Variants in PPP2CB observed in about 807,000 individuals in gnomAD.
The protein encoded by PPP2CB is protein phosphatase 2 catalytic subunit beta.
In PPP2CB, 18 loss-of-function variants were observed where a neutral mutation model predicts 39.1. That is an observed-to-expected ratio of 0.46 (90% confidence interval 0.32 to 0.68). PPP2CB has a LOEUF of 0.68. Among genes scored for constraint, PPP2CB ranks in the 30% least tolerant of loss-of-function variants. The probability of loss-of-function intolerance (pLI) is 0.04; values close to 1 mark genes in which losing one functional copy is unlikely to be tolerated. For synonymous variants in PPP2CB, 129 were observed against 133.8 expected (o/e 0.96, Z 0.25); for missense variants, 226 against 396.9 (o/e 0.57, Z 3.66).
At chr8:30,803,783 TGGAG>T in intron 1 of PPP2CB, among the ~76,000 whole-genome samples, 1 of 151,862 alleles carries the variant, frequency 6.6e-6, no homozygotes, top group East Asian at 1.9e-4. Flanking sequence ...GGCTAACTTT[TGGAG>T]AATTTATACA....
chr8:30,797,896 A>C (rs1167612141), intron 2 of PPP2CB, 142 bp from the exon 3 acceptor site: 20 of 794,938 alleles, frequency 2.5e-5, no homozygotes, highest in Non-Finnish European at 3.8e-5. Context: ...CAAAATAAAA[A>C]ACTTGCTTAT....
intron 1 of PPP2CB, among the ~76,000 whole-genome samples, chr8:30,805,561 C>CA (rs1429692508): frequency 1.1e-4 from 17 of 150,508 alleles, no homozygotes; most frequent in Admixed American, 1.1e-3. Flanking sequence ...GACTCCATCA[C>CA]AAAAAAACAA....
chr8:30,802,115 G>A (rs1806636784), intron 1 of PPP2CB, among the ~76,000 whole-genome samples: 1 of 152,168 alleles, frequency 6.6e-6, no homozygotes, highest in African/African-American at 2.4e-5. Context: ...TATGGACAAT[G>A]TAGCCCATAC....
At position 30,812,473 on chromosome 8, in the gene PPP2CB, C is replaced by T. The variant is rs111579369; in HGVS notation, c.-52G>A. 2 of 1,339,462 alleles carry T rather than the reference C, an allele frequency of 1.5e-6. No homozygotes were observed. Among genetic ancestry groups the T allele is most frequent in the Non-Finnish European group, 2.0e-6 (2 of 1,008,164 alleles). 83.0% of individuals were successfully genotyped at this position (1,339,462 alleles called of 1,614,324 possible). ...GAGCCCCAGCCCGGCCGCCGCCCTC[C>T]CCCCTCCCCACCCGCCCCCGGCCCC... On this transcript the variant is annotated 5_prime_UTR_variant, in exon 1 of 7. Coordinates refer to ENST00000221138, the MANE Select transcript of PPP2CB (RefSeq NM_001009552.2).
In PPP2CB at chr8:30,812,300, C is replaced by T. The variant is rs779019587; in HGVS notation, c.102+20G>A. 7 of 1,491,276 alleles carry T rather than the reference C, an allele frequency of 4.7e-6. No individual in the cohort carries two copies. The highest frequency in any genetic ancestry group is 3.8e-5 in the Admixed American group (2 of 52,714). 92.4% of individuals were successfully genotyped at this position (1,491,276 alleles called of 1,614,324 possible). A position where few individuals can be genotyped will look rare whatever the true frequency, so the allele number is the denominator to read the frequency against. ...CGTCCCAGCCCCGCGCTCCCGCACT[C>T]GCCCCCGCGGCGCCCTCACCTTCTC... On this transcript the variant is annotated intron_variant, in intron 1 of 6. Coordinates refer to ENST00000221138, the MANE Select transcript of PPP2CB (RefSeq NM_001009552.2).
In PPP2CB at chr8:30,799,814, A is replaced by T. The variant is rs1806590261; in HGVS notation, c.103-59T>A. Reference sequence around the variant, plus strand: ...TAAAACTATCATTTCTTATCTATTAAAAGAAAATTTGGGGAAAAAAACACT... The same window carrying T: ...TAAAACTATCATTTCTTATCTATTATAAGAAAATTTGGGGAAAAAAACACT... On this transcript the variant is annotated intron_variant, in intron 1 of 6. Transcript: ENST00000221138. 12 of 1,503,544 alleles carry T rather than the reference A, an allele frequency of 8.0e-6. No homozygotes were observed. The South Asian group carries it at 1.4e-4, about 18-fold the overall frequency. The allele number at this position is 1,503,544 out of a possible 1,614,324, so 93.1% of individuals were successfully genotyped here.
intron 6 of PPP2CB, among the ~76,000 whole-genome samples, chr8:30,789,078 T>C (rs1368893129): frequency 6.6e-6 from 1 of 151,814 alleles, no homozygotes; most frequent in Non-Finnish European, 1.5e-5. Flanking sequence ...AGTTTCACTT[T>C]TGTTGCCCAG....
chr8:30,806,932 T>C (rs963029751), intron 1 of PPP2CB, among the ~76,000 whole-genome samples: 12 of 152,232 alleles, frequency 7.9e-5, no homozygotes, highest in African/African-American at 2.4e-4. Flanking sequence ...CCTAGTCATA[T>C]ATATTTGACA....
intron 5 of PPP2CB, among the ~76,000 whole-genome samples, chr8:30,792,415 C>T (rs1478881227): frequency 1.3e-5 from 2 of 151,654 alleles, no homozygotes; most frequent in Non-Finnish European, 2.9e-5. Flanking sequence ...CATTTTCCAA[C>T]TCTTACCTCT....
chr8:30,809,116 G>A (rs1806779743), intron 1 of PPP2CB, among the ~76,000 whole-genome samples: 1 of 149,412 alleles, frequency 6.7e-6, no homozygotes, highest in Non-Finnish European at 1.5e-5. Context: ...GTTTTGCCAT[G>A]TTGGCCAGGC....
chr8:30,797,750 C>A lies in PPP2CB; in HGVS notation c.317G>T (p.Arg106Leu). 6.2e-7 allele frequency: 1 copy of A among 1,611,610 alleles called. No individual in the cohort carries two copies. The highest frequency in any genetic ancestry group is 2.2e-5 in the East Asian group (1 of 44,784). ...CAATATTGTAATGCGTTCTGGATAA[C>A]GCACCTGGAAGAAAAGGAGTAAAAC... The part of the protein sequence containing the change: ...TVTLLVALKV[R>L]YPERITILRG... The change falls in exon 3 of 7, where the codon CGT becomes CTT. Residue 106 changes from arginine (R) to leucine (L), a missense_variant. This residue lies in a region of PPP2CB where 110 missense variants were observed against 244.1 expected (regional missense o/e 0.45). Coordinates refer to ENST00000221138, the MANE Select transcript of PPP2CB (RefSeq NM_001009552.2).
chr8:30,812,256 G>T, intron 1 of PPP2CB, 64 bp downstream of exon 1: 2 of 1,271,440 alleles, frequency 1.6e-6, no homozygotes, highest in Non-Finnish European at 2.1e-6. Flanking sequence ...GGACCGGGGC[G>T]GGCAGGAAAG....
intron 3 of PPP2CB, among the ~76,000 whole-genome samples, chr8:30,794,662 C>G (rs1009674370): frequency 6.6e-6 from 1 of 152,078 alleles, no homozygotes; most frequent in Non-Finnish European, 1.5e-5. Context: ...CTATTCACAG[C>G]CTTGATCACT....
Position 30,794,012 on chromosome 8 carries a change from C to A in PPP2CB, c.643G>T (p.Gly215Cys). ...TCTTGTCCAAATGTGTAGCCAGCAC[C>A]ACGTGGTGAAATACCCCATCCACCA... ...DRGGWGISPR[G>C]AGYTFGQDIS... Residue 215 changes from glycine to cysteine, a missense_variant, in exon 5 of 7, where the codon GGT becomes TGT. Transcript: ENST00000221138. 1 of 1,613,288 alleles carries A rather than the reference C, an allele frequency of 6.2e-7. No individual in the cohort carries two copies. Among genetic ancestry groups the A allele is most frequent in the Non-Finnish European group, 8.5e-7 (1 of 1,179,630 alleles).
At chr8:30,800,376 AATCTT>A (rs1806599906) in intron 1 of PPP2CB, among the ~76,000 whole-genome samples, 1 of 152,256 alleles carries the variant, frequency 6.6e-6, no homozygotes, top group Non-Finnish European at 1.5e-5. Flanking sequence ...TAAAAAGAAT[AATCTT>A]ATTATTCACA....
intron 5 of PPP2CB, among the ~76,000 whole-genome samples, chr8:30,792,424 C>T (rs1378204590): frequency 6.6e-6 from 1 of 151,562 alleles, no homozygotes; most frequent in Non-Finnish European, 1.5e-5. Context: ...ACTCTTACCT[C>T]TAGTTTGTGG....
chr8:30,787,141 G>A (rs1215562471), intron 6 of PPP2CB, among the ~76,000 whole-genome samples: 1 of 152,198 alleles, frequency 6.6e-6, no homozygotes. Context: ...TGCTCATGGT[G>A]TATAATCTTT....
chr8:30,808,922 C>CTTTTTTTTTTTTTTT (rs34287210), intron 1 of PPP2CB, among the ~76,000 whole-genome samples: 1 of 116,768 alleles, frequency 8.6e-6, no homozygotes, highest in African/African-American at 3.8e-5. Context: ...TTTACATGGC[C>CTTTTTTTTTTTTTTT]TTTTTTTTTT....
Position 30,786,394 on chromosome 8 carries a change from C to T in PPP2CB, c.858-87G>A, listed in dbSNP as rs138112710. 11 of 1,111,638 alleles carry T rather than the reference C, an allele frequency of 9.9e-6. No individual in the cohort carries two copies. The African/African-American group carries it at 1.6e-4, about 16-fold the overall frequency. 68.9% of individuals were successfully genotyped at this position (1,111,638 alleles called of 1,614,324 possible). ...AAAGAACAAGACACTGTAGTAGAAA[C>T]AGCAGTCCTGCTTTCCCACCATGAC... On this transcript the variant is annotated intron_variant, in intron 6 of 6. Transcript: ENST00000221138.
Sources: gnomAD v4.1 joint callset for allele counts (sites outside exome capture counted in the v4.1 genomes callset) on GRCh38, gnomAD v4.1.1 for gene constraint, gnomAD v4.1.1 regional missense constraint, MANE v1.5 for transcripts, NCBI Gene and HGNC (gene_info 2026-07-23, HGNC 2026-07-21) for gene names.